Variants in ANKRD44 observed in about 807,000 individuals in gnomAD.
The protein encoded by ANKRD44 is ankyrin repeat domain 44, also known as serine/threonine-protein phosphatase 6 regulatory ankyrin repeat subunit B.
A neutral mutation model predicts 116.0 loss-of-function variants in ANKRD44; 35 were observed. The observed-to-expected ratio is 0.30, with a 90% CI of 0.23 to 0.40. The LOEUF (loss-of-function observed/expected upper bound fraction) is 0.40, where lower values mean the gene tolerates loss of function less well. Ranked by LOEUF, ANKRD44 falls within the 10% of genes least tolerant of loss-of-function variation. ANKRD44 has a pLI of 1.00. For synonymous variants in ANKRD44, 435 were observed against 461.8 expected (o/e 0.94, Z 0.74); for missense variants, 1,014 against 1,242.6 (o/e 0.82, Z 2.77).
chr2:197,136,046 C>T (rs560315366), intron 4 of ANKRD44: 1 of 159,604 alleles, frequency 6.3e-6, no homozygotes, highest in African/African-American at 2.4e-5. Context: ...TGACCATTCT[C>T]CATTGCTCAG....
At chr2:197,250,035 A>G (rs1304158682) in intron 1 of ANKRD44, among the ~76,000 whole-genome samples, 1 of 152,244 alleles carries the variant, frequency 6.6e-6, no homozygotes, top group Non-Finnish European at 1.5e-5. Flanking sequence ...AGAATAGCCA[A>G]CTAAAATTTG....
chr2:197,103,030 C>T (rs1024279488), intron 9 of ANKRD44, among the ~76,000 whole-genome samples: 2 of 151,920 alleles, frequency 1.3e-5, no homozygotes, highest in African/African-American at 4.8e-5. Context: ...GAGATCAAGA[C>T]CATCCTGGCA....
intron 13 of ANKRD44, among the ~76,000 whole-genome samples, chr2:197,084,054 T>G (rs555579481): frequency 2.0e-5 from 3 of 152,260 alleles, no homozygotes; most frequent in East Asian, 3.9e-4. Context: ...AATGAAGAAT[T>G]TTTTTTAAGG....
intron 1 of ANKRD44, among the ~76,000 whole-genome samples, chr2:197,286,221 T>C (rs1014749545): frequency 6.6e-6 from 1 of 152,230 alleles, no homozygotes; most frequent in African/African-American, 2.4e-5. Flanking sequence ...ATATTTCTAT[T>C]TAAATTAACT....
intron 1 of ANKRD44, among the ~76,000 whole-genome samples, chr2:197,310,170 C>T (rs545936710): frequency 2.0e-4 from 31 of 152,278 alleles, no homozygotes; most frequent in African/African-American, 6.7e-4. Flanking sequence ...GGGTCCCAGT[C>T]TGCGATCCTT....
In ANKRD44 at chr2:197,125,472, A is replaced by G. The variant is rs561836173; in HGVS notation, c.463-4T>C. 9 of 1,612,572 alleles carry G rather than the reference A, an allele frequency of 5.6e-6. No individual in the cohort carries two copies. The African/African-American group carries it at 9.3e-5, about 17-fold the overall frequency. ...TGGCCAAGAGTAAATTGACCATCTG[A>G]AAGATAACCAACAATGAAATCAAGC... On this transcript the variant is annotated splice_polypyrimidine_tract_variant and splice_region_variant and intron_variant, in intron 5 of 27. Transcript: ENST00000282272.
At chr2:197,061,650 T>C (rs2077315528) in intron 16 of ANKRD44, among the ~76,000 whole-genome samples, 2 of 152,152 alleles carry the variant, frequency 1.3e-5, no homozygotes, top group Non-Finnish European at 2.9e-5. Flanking sequence ...AAGAAATAAC[T>C]GGGGAGTAGT....
chr2:197,091,516 C>G (rs1025655573), intron 10 of ANKRD44, among the ~76,000 whole-genome samples: 2 of 152,148 alleles, frequency 1.3e-5, no homozygotes, highest in African/African-American at 4.8e-5. Context: ...ATCACTATAC[C>G]CAGCTAATTT....
chr2:197,014,520 G>T (rs571626376), intron 17 of ANKRD44, among the ~76,000 whole-genome samples: 2 of 152,190 alleles, frequency 1.3e-5, no homozygotes, highest in Non-Finnish European at 2.9e-5. Flanking sequence ...AGACACGGTG[G>T]CTCACACCTA....
At chr2:197,191,795 C>T (rs1163459008) in intron 1 of ANKRD44, among the ~76,000 whole-genome samples, 1 of 152,136 alleles carries the variant, frequency 6.6e-6, no homozygotes, top group African/African-American at 2.4e-5. Context: ...GCACACCATG[C>T]ACATACTAAA....
chr2:197,205,882 C>T (rs1327191859), intron 1 of ANKRD44, among the ~76,000 whole-genome samples: 1 of 152,052 alleles, frequency 6.6e-6, no homozygotes, highest in Admixed American at 6.6e-5. Flanking sequence ...TCTACAGAGA[C>T]CCAAAGATCA....
At chr2:197,105,894 G>A (rs933291060) in intron 9 of ANKRD44, among the ~76,000 whole-genome samples, 2 of 152,180 alleles carry the variant, frequency 1.3e-5, no homozygotes, top group African/African-American at 4.8e-5. Context: ...GTGGGACAGA[G>A]ATCCCCAGAC....
chr2:196,968,072 C>T (rs1196549424), intron 21 of ANKRD44, among the ~76,000 whole-genome samples: 1 of 152,180 alleles, frequency 6.6e-6, no homozygotes, highest in African/African-American at 2.4e-5. Context: ...CCTGCAGAAC[C>T]ATGAGCCAAA....
Position 196,988,267 on chromosome 2 carries a change from C to A in ANKRD44, c.*1324G>T. The A allele has an allele frequency of 1.0e-6, 1 of 985,372 alleles. No homozygotes were observed. The highest frequency in any genetic ancestry group is 1.2e-6 in the Non-Finnish European group (1 of 829,928). 61.0% of individuals were successfully genotyped at this position (985,372 alleles called of 1,614,324 possible). ...TCCATTCACTTCTAGAAAAAGACACCGCAGCATATTGTGCTTCTTCAACAC... is the reference window on the plus strand; with the variant it reads ...TCCATTCACTTCTAGAAAAAGACACAGCAGCATATTGTGCTTCTTCAACAC... On this transcript the variant is annotated 3_prime_UTR_variant, in exon 28 of 28. Transcript: ENST00000282272.
At chr2:197,055,096 T>A (rs1351863564) in intron 16 of ANKRD44, among the ~76,000 whole-genome samples, 2 of 152,228 alleles carry the variant, frequency 1.3e-5, no homozygotes, top group Non-Finnish European at 2.9e-5. Flanking sequence ...GAATTTGTGT[T>A]CTTTTAACCT....
chr2:197,106,808 T>TATA (rs58104989), intron 9 of ANKRD44, among the ~76,000 whole-genome samples: 6,461 of 70,320 alleles, frequency 0.092, 178 homozygotes, highest in Non-Finnish European at 0.11. Context: ...ATATATATAT[T>TATA]TTTTTTTTTT....
intron 21 of ANKRD44, among the ~76,000 whole-genome samples, chr2:196,967,912 ACT>A (rs35734167): frequency 0.012 from 1,625 of 140,850 alleles, 24 homozygotes; most frequent in African/African-American, 0.033. Flanking sequence ...ATGGCTTGGC[ACT>A]CTCTCTCTCT....
intron 2 of ANKRD44, among the ~76,000 whole-genome samples, chr2:197,176,919 G>A (rs996776504): frequency 7.6e-6 from 1 of 132,128 alleles, no homozygotes; most frequent in African/African-American, 3.2e-5. Context: ...TGTTTCAAGG[G>A]TATAATAATA....
At chr2:197,162,931 A>T (rs1163932317) in intron 2 of ANKRD44, among the ~76,000 whole-genome samples, 1 of 152,224 alleles carries the variant, frequency 6.6e-6, no homozygotes, top group Non-Finnish European at 1.5e-5. Context: ...ACAATAAGAA[A>T]AGGGTCTGCC....
Sources: allele counts gnomAD v4.1 joint callset (sites outside exome capture counted in the v4.1 genomes callset), GRCh38; gene constraint gnomAD v4.1.1; transcripts MANE v1.5; gene names NCBI Gene and HGNC (gene_info 2026-07-23, HGNC 2026-07-21).